MACO1: variants seen among roughly 807,000 people sequenced by gnomAD.
MACO1 encodes macoilin 1.
In MACO1, 14 loss-of-function variants were observed where a neutral mutation model predicts 78.7. The observed-to-expected ratio is 0.18, with a 90% CI of 0.12 to 0.28. The LOEUF (loss-of-function observed/expected upper bound fraction) is 0.28. MACO1 is among the 10% of genes least tolerant of loss of function. The pLI is 1.00. For missense variants in MACO1, 501 were observed against 799.0 expected (o/e 0.63, Z 4.50); for synonymous variants, 288 against 291.6 (o/e 0.99, Z 0.12).
At chr1:25,474,712 C>T (rs2043304810) in intron 6 of MACO1, among the ~76,000 whole-genome samples, 1 of 152,218 alleles carries the variant, frequency 6.6e-6, no homozygotes, top group Non-Finnish European at 1.5e-5. Context: ...GTGTCTAGGA[C>T]TGGTAACTTC....
At chr1:25,431,514 G>A (rs1363311940) in intron 1 of MACO1, among the ~76,000 whole-genome samples, 1 of 151,864 alleles carries the variant, frequency 6.6e-6, no homozygotes, top group Non-Finnish European at 1.5e-5. Flanking sequence ...CATGCCGCTG[G>A]GCCGGGAGGG....
chr1:25,493,407 AT>A lies in MACO1; in HGVS notation c.1792+1835del, dbSNP rs564753361. Among the ~76,000 whole-genome samples the A allele has an allele frequency of 5.8e-4, 84 of 144,278 alleles. No homozygotes were observed. In the East Asian group the frequency reaches 6.7e-3, roughly 11 times the overall value. The allele number at this position is 144,278 out of a possible 152,430, so 94.7% of individuals were successfully genotyped here. The stretch of plus-strand genomic sequence containing the variant: ...AGGCATGTGCCACCATGCCCAGCTA[AT>A]TTTTTTTTTTTCTGTTTTTTTTCTA... On this transcript the variant is annotated intron_variant, in intron 10 of 10. Coordinates refer to ENST00000374343, the MANE Select transcript of MACO1 (RefSeq NM_018202.6).
At chr1:25,452,899 G>C (rs937225157) in intron 3 of MACO1, among the ~76,000 whole-genome samples, 1 of 151,764 alleles carries the variant, frequency 6.6e-6, no homozygotes, top group Non-Finnish European at 1.5e-5. Context: ...GTTTCACCAT[G>C]TTAGTCAGGC....
intron 6 of MACO1, among the ~76,000 whole-genome samples, chr1:25,469,430 A>G (rs554741720): frequency 5.3e-5 from 8 of 152,086 alleles, no homozygotes; most frequent in Non-Finnish European, 1.0e-4. Flanking sequence ...ATGATTTTAA[A>G]ACATGAATCT....
chr1:25,493,727 C>CTTTTTTT lies in MACO1; in HGVS notation c.1792+2160_1792+2166dup, dbSNP rs1189775109. On this transcript the variant is annotated intron_variant, in intron 10 of 10. Coordinates refer to ENST00000374343, the MANE Select transcript of MACO1 (RefSeq NM_018202.6). ...TGACTTAACAGAAGATAGTTTGATT[C>CTTTTTTT]TTTTTTTTTTTTTTTTTTTTTTTGA... is the stretch of plus-strand genomic sequence containing the variant. 3.2e-4 allele frequency among the ~76,000 whole-genome samples: 29 copies of CTTTTTTT among 92,054 alleles called. 1 individual carries two copies. The highest frequency in any genetic ancestry group is 4.1e-4 in the African/African-American group (9 of 21,750). 60.4% of individuals were successfully genotyped at this position (92,054 alleles called of 152,430 possible). A position where few individuals can be genotyped will look rare whatever the true frequency, so the allele number is the denominator to read the frequency against.
At chr1:25,497,714 A>G (rs976081165) in intron 10 of MACO1, among the ~76,000 whole-genome samples, 2 of 152,214 alleles carry the variant, frequency 1.3e-5, no homozygotes, top group East Asian at 1.9e-4. Context: ...GCAGAAGCGT[A>G]TTACTGTGAC....
chr1:25,497,240 C>T (rs934090375), intron 10 of MACO1, among the ~76,000 whole-genome samples: 6 of 151,938 alleles, frequency 3.9e-5, no homozygotes, highest in Non-Finnish European at 7.4e-5. Context: ...ATTAGCCAGG[C>T]GTGGTGGCAC....
intron 6 of MACO1, among the ~76,000 whole-genome samples, chr1:25,465,003 G>A (rs2043206179): frequency 6.8e-6 from 1 of 147,434 alleles, no homozygotes; most frequent in Admixed American, 6.8e-5. Flanking sequence ...TATAGAGACA[G>A]GAACTTACTA....
At chr1:25,494,783 AG>A (rs2043520051) in intron 10 of MACO1, among the ~76,000 whole-genome samples, 1 of 152,204 alleles carries the variant, frequency 6.6e-6, no homozygotes, top group African/African-American at 2.4e-5. Context: ...CAAGGAGTGA[AG>A]GAAGAATAAG....
intron 6 of MACO1, among the ~76,000 whole-genome samples, chr1:25,480,927 A>ATATAT: frequency 3.3e-5 from 1 of 29,912 alleles, no homozygotes; most frequent in Non-Finnish European, 6.9e-5. Flanking sequence ...AAAAAAAAAA[A>ATATAT]AAATATATAT....
chr1:25,451,645 A>G (rs2043066995), intron 3 of MACO1, among the ~76,000 whole-genome samples: 2 of 152,104 alleles, frequency 1.3e-5, no homozygotes, highest in African/African-American at 4.8e-5. Flanking sequence ...AGTGGCTCAC[A>G]CCTGCAATCC....
intron 1 of MACO1, among the ~76,000 whole-genome samples, chr1:25,442,477 A>T (rs1187130827): frequency 1.3e-5 from 2 of 152,164 alleles, no homozygotes; most frequent in African/African-American, 4.8e-5. Flanking sequence ...CTGCCTAGGG[A>T]AAAGGTCAGG....
At chr1:25,449,682 C>T (rs2043047427) in intron 3 of MACO1, among the ~76,000 whole-genome samples, 3 of 152,164 alleles carry the variant, frequency 2.0e-5, no homozygotes, top group Admixed American at 2.0e-4. Context: ...TCTAAAGAGG[C>T]TTTCCCAGAA....
rs923203944 is a variant in MACO1, at chr1:25,444,216, G to T, written c.81-2546G>T. 2.0e-5 allele frequency among the ~76,000 whole-genome samples: 3 copies of T among 151,082 alleles called. No individual in the cohort carries two copies. The East Asian group carries it at 6.0e-4, about 30-fold the overall frequency. ...GGAGGTTGCAGTGAGCTGAAATCAT[G>T]CCACCACACTCCAGCCTGGGTGATA... is the stretch of plus-strand genomic sequence containing the variant. On this transcript the variant is annotated intron_variant, in intron 1 of 10. Transcript: ENST00000374343.
At chr1:25,492,345 G>A (rs987496995) in intron 10 of MACO1, among the ~76,000 whole-genome samples, 2 of 152,222 alleles carry the variant, frequency 1.3e-5, no homozygotes, top group Admixed American at 6.5e-5. Flanking sequence ...AAGCCATGGC[G>A]AGACAGAACG....
intron 1 of MACO1, among the ~76,000 whole-genome samples, chr1:25,441,609 C>T (rs899291150): frequency 5.3e-5 from 8 of 152,150 alleles, no homozygotes; most frequent in African/African-American, 1.7e-4. Context: ...ACTTTACATC[C>T]GAACAGTTAA....
chr1:25,497,360 A>G (rs2043546616), intron 10 of MACO1, among the ~76,000 whole-genome samples: 1 of 149,418 alleles, frequency 6.7e-6, no homozygotes, highest in Non-Finnish European at 1.5e-5. Context: ...AGCCTGGGCA[A>G]CAAGAGCAAA....
chr1:25,464,541 C>T (rs531648818), intron 6 of MACO1, among the ~76,000 whole-genome samples: 104 of 151,814 alleles, frequency 6.9e-4, no homozygotes, highest in Non-Finnish European at 1.2e-3. Context: ...GATGGGGTTT[C>T]GCTATGTTGG....
chr1:25,483,890 CAG>C lies in MACO1; in HGVS notation c.1155-225_1155-224del, dbSNP rs751972389. ...ATACTCACCTGTCACTATTCATAAA[CAG>C]GGGGAAGTTGAAAGTTACACCCCAG... On this transcript the variant is annotated intron_variant, in intron 6 of 10. Coordinates refer to ENST00000374343, the MANE Select transcript of MACO1 (RefSeq NM_018202.6). 3.3e-4 allele frequency among the ~76,000 whole-genome samples: 50 copies of C among 152,278 alleles called. No homozygotes were observed. In the Middle Eastern group the frequency reaches 0.01, roughly 31 times the overall value.
Sources: allele counts gnomAD v4.1 joint callset (sites outside exome capture counted in the v4.1 genomes callset), GRCh38; gene constraint gnomAD v4.1.1; transcripts MANE v1.5; gene names NCBI Gene and HGNC (gene_info 2026-07-23, HGNC 2026-07-21).